LIPK: variants seen among roughly 807,000 people sequenced by gnomAD.
LIPK encodes lipase member K.
A neutral mutation model predicts 48.6 loss-of-function variants in LIPK; 32 were observed. The ratio of observed to expected loss-of-function variants is 0.66; its 90% CI spans 0.50 to 0.88. The LOEUF (loss-of-function observed/expected upper bound fraction) is 0.88, where lower values mean the gene tolerates loss of function less well. Among genes scored for constraint, LIPK ranks in the 40% least tolerant of loss-of-function variants. The probability of loss-of-function intolerance (pLI) is 0.00; values close to 1 mark genes in which losing one functional copy is unlikely to be tolerated. For synonymous variants in LIPK, 164 were observed against 157.4 expected (o/e 1.04, Z -0.32); for missense variants, 507 against 478.5 (o/e 1.06, Z -0.56).
intron 1 of LIPK, among the ~76,000 whole-genome samples, chr10:88,709,205 G>A (rs1289867969): frequency 6.6e-6 from 1 of 152,120 alleles, no homozygotes; most frequent in Non-Finnish European, 1.5e-5. Flanking sequence ...GAGAAACCAT[G>A]TTTACATAAT....
chr10:88,714,151 T>C (rs1173964314), intron 1 of LIPK, among the ~76,000 whole-genome samples: 1 of 152,038 alleles, frequency 6.6e-6, no homozygotes, highest in Non-Finnish European at 1.5e-5. Context: ...ATGTTAGCAT[T>C]AATTATAATT....
intron 9 of LIPK, among the ~76,000 whole-genome samples, chr10:88,744,895 T>A (rs1291403973): frequency 1.3e-5 from 2 of 152,048 alleles, no homozygotes; most frequent in Non-Finnish European, 2.9e-5. Flanking sequence ...TAAAATAATT[T>A]AAGAGCTGAA....
intron 8 of LIPK, among the ~76,000 whole-genome samples, chr10:88,741,006 G>A (rs910069781): frequency 3.9e-5 from 6 of 152,126 alleles, no homozygotes; most frequent in East Asian, 3.9e-4. Flanking sequence ...TCCTACTGAC[G>A]AGGAGACAGA....
At position 88,728,711 on chromosome 10, in the gene LIPK, A is replaced by G. The variant is rs143149758; in HGVS notation, c.223+1799A>G. 7 of 323,842 alleles carry G rather than the reference A, an allele frequency of 2.2e-5. No homozygotes were observed. In the East Asian group the frequency reaches 6.2e-4, roughly 29 times the overall value. 20.1% of individuals were successfully genotyped at this position (323,842 alleles called of 1,614,324 possible). A position where few individuals can be genotyped will look rare whatever the true frequency, so the allele number is the denominator to read the frequency against. ...AGAGCAGGTGTATGCATAGGAAGACAAGCAGTGGCTACCCAGGTGGGCTGG... is the reference window on the plus strand; with the variant it reads ...AGAGCAGGTGTATGCATAGGAAGACGAGCAGTGGCTACCCAGGTGGGCTGG... On this transcript the variant is annotated intron_variant, in intron 3 of 9. Coordinates refer to ENST00000404190, the MANE Select transcript of LIPK (RefSeq NM_001080518.2).
At chr10:88,721,990 G>A (rs1295762887) in intron 1 of LIPK, among the ~76,000 whole-genome samples, 1 of 152,126 alleles carries the variant, frequency 6.6e-6, no homozygotes, top group Non-Finnish European at 1.5e-5. Context: ...AGTCAATTTG[G>A]CATAGTCATT....
intron 5 of LIPK, 41 bp from the exon 6 acceptor site, chr10:88,732,374 A>G: frequency 6.3e-7 from 1 of 1,597,214 alleles, no homozygotes; most frequent in East Asian, 2.2e-5. Flanking sequence ...TGAACAAATA[A>G]TTATCTGAAA....
chr10:88,737,886 G>A (rs1842606437), intron 7 of LIPK, 105 bp downstream of exon 7: 1 of 1,257,302 alleles, frequency 8.0e-7, no homozygotes, highest in African/African-American at 1.5e-5. Flanking sequence ...TTTCCTTTTT[G>A]CATTTGGAAT....
intron 9 of LIPK, among the ~76,000 whole-genome samples, chr10:88,746,305 C>T (rs1251258880): frequency 6.6e-6 from 1 of 151,966 alleles, no homozygotes. Flanking sequence ...AACACTCGAC[C>T]CAATAACAGC....
chr10:88,723,592 A>C (rs1055386830), intron 1 of LIPK, among the ~76,000 whole-genome samples: 8 of 152,168 alleles, frequency 5.3e-5, no homozygotes, highest in Non-Finnish European at 1.0e-4. Flanking sequence ...AATACTCATA[A>C]TCTTTTTCTC....
rs940113422 is a variant in LIPK, at chr10:88,720,151, C to T, written c.-11-4382C>T. Among the ~76,000 whole-genome samples, 5 of 152,218 alleles carry T rather than the reference C, an allele frequency of 3.3e-5. No individual in the cohort carries two copies. The East Asian group carries it at 9.6e-4, about 29-fold the overall frequency. ...TGCAAGTAATGTACCTTTTTCCAACCAAATTTGAGTAAAAGTAGCAGCTGT... is the reference window on the plus strand; with the variant it reads ...TGCAAGTAATGTACCTTTTTCCAACTAAATTTGAGTAAAAGTAGCAGCTGT... On this transcript the variant is annotated intron_variant, in intron 1 of 9. Transcript: ENST00000404190.
intron 9 of LIPK, among the ~76,000 whole-genome samples, chr10:88,751,568 A>G (rs409330): frequency 0.16 from 23,706 of 151,990 alleles, 2,284 homozygotes; most frequent in East Asian, 0.3. Flanking sequence ...CATAACAACT[A>G]CTATAACAAC....
intron 9 of LIPK, among the ~76,000 whole-genome samples, chr10:88,746,803 A>C (rs530631940): frequency 1.3e-5 from 2 of 152,288 alleles, no homozygotes; most frequent in South Asian, 4.1e-4. Context: ...GCAAAGAAAC[A>C]TACAAAAGAT....
In LIPK at chr10:88,724,619, A is replaced by T. The variant is rs199858228; in HGVS notation, c.76A>T (p.Asn26Tyr). 3.7e-4 allele frequency: 592 copies of T among 1,605,294 alleles called. 4 individuals are homozygous for T. The African/African-American group carries it at 6.9e-3, about 19-fold the overall frequency. Residue 26 changes from asparagine (N) to tyrosine (Y), a missense_variant, in exon 2 of 10, where the codon AAT becomes TAT. By Grantham distance (143) the Asn-to-Tyr change is moderately radical. Coordinates refer to ENST00000404190, the MANE Select transcript of LIPK (RefSeq NM_001080518.2). ...SMYGYDKKGN[N>Y]ANPEANMNIS... ...GTATGGTTATGACAAGAAAGGAAAC[A>T]ATGCAAACCCTGAAGCTAATATGAA...
chr10:88,724,959 G>A (rs186547634), intron 2 of LIPK, among the ~76,000 whole-genome samples: 3 of 152,234 alleles, frequency 2.0e-5, no homozygotes, highest in East Asian at 3.9e-4. Flanking sequence ...ATTTTTGATA[G>A]AGCAGTTTCT....
chr10:88,736,056 A>G (rs1842564603), intron 6 of LIPK, among the ~76,000 whole-genome samples: 1 of 152,112 alleles, frequency 6.6e-6, no homozygotes. Flanking sequence ...TTGATATTCC[A>G]TGGAATATTA....
chr10:88,714,168 G>A (rs1208982349), intron 1 of LIPK, among the ~76,000 whole-genome samples: 1 of 151,938 alleles, frequency 6.6e-6, no homozygotes, highest in Non-Finnish European at 1.5e-5. Flanking sequence ...AATTGTACCT[G>A]GAGGATATTT....
At position 88,730,545 on chromosome 10, in the gene LIPK, T is replaced by A. The variant is rs547025700; in HGVS notation, c.224-438T>A. Among the ~76,000 whole-genome samples, 232 of 152,222 alleles carry A rather than the reference T, an allele frequency of 1.5e-3. 1 individual carries two copies. Among genetic ancestry groups the A allele is most frequent in the Non-Finnish European group, 2.9e-3 (194 of 67,988 alleles). ...GACCTCGTGATCTGCCCGCCTCAGC[T>A]CCCAAAGTGCTGAGATTATAGGCGT... On this transcript the variant is annotated intron_variant, in intron 3 of 9. Transcript: ENST00000404190.
intron 1 of LIPK, among the ~76,000 whole-genome samples, chr10:88,708,439 T>A (rs1841973763): frequency 6.6e-6 from 1 of 152,104 alleles, no homozygotes; most frequent in Admixed American, 6.6e-5. Flanking sequence ...TTATTTGTTT[T>A]AGAAGTTTAA....
At chr10:88,717,400 T>G (rs562242364) in intron 1 of LIPK, among the ~76,000 whole-genome samples, 1 of 152,308 alleles carries the variant, frequency 6.6e-6, no homozygotes, top group East Asian at 1.9e-4. Context: ...TATTTTCTAT[T>G]TTTTTATGAT....
Sources: allele counts gnomAD v4.1 joint callset (sites outside exome capture counted in the v4.1 genomes callset), GRCh38; gene constraint gnomAD v4.1.1; transcripts MANE v1.5; gene names NCBI Gene and HGNC (gene_info 2026-07-23, HGNC 2026-07-21).